The following COL25A1 variants were observed in gnomAD, a reference collection of about 807,000 sequenced individuals.
COL25A1 encodes the protein collagen type XXV alpha 1 chain, also known as collagen alpha-1(XXV) chain.
A neutral mutation model predicts 128.4 loss-of-function variants in COL25A1; 103 were observed. The ratio of observed to expected loss-of-function variants is 0.80; its 90% CI spans 0.68 to 0.94. COL25A1 has a LOEUF of 0.94. Ranked by LOEUF, COL25A1 falls within the 40% of genes least tolerant of loss-of-function variation. The pLI, the probability that COL25A1 is intolerant of heterozygous loss-of-function variation, is 0.00. For synonymous variants in COL25A1, 279 were observed against 277.2 expected (o/e 1.01, Z -0.06); for missense variants, 745 against 840.0 (o/e 0.89, Z 1.40).
intron 3 of COL25A1, among the ~76,000 whole-genome samples, chr4:109,167,850 A>G (rs1467540558): frequency 6.6e-6 from 1 of 152,176 alleles, no homozygotes; most frequent in Non-Finnish European, 1.5e-5. Context: ...AGAGTGACAC[A>G]AAAAACTCAT....
At chr4:109,174,291 A>T (rs1773862708) in intron 3 of COL25A1, among the ~76,000 whole-genome samples, 1 of 152,194 alleles carries the variant, frequency 6.6e-6, no homozygotes, top group Admixed American at 6.5e-5. Context: ...TGGTGAAATC[A>T]GGAGGGCCTC....
At chr4:109,165,714 C>G (rs1773008152) in intron 3 of COL25A1, among the ~76,000 whole-genome samples, 1 of 151,786 alleles carries the variant, frequency 6.6e-6, no homozygotes, top group African/African-American at 2.4e-5. Context: ...AATACTGTCT[C>G]AAAAAAGATA....
intron 3 of COL25A1, among the ~76,000 whole-genome samples, chr4:109,105,709 TA>T (rs1042757088): frequency 1.3e-5 from 2 of 152,158 alleles, no homozygotes; most frequent in African/African-American, 4.8e-5. Context: ...TTAAAGAGTG[TA>T]AAATGACCCT....
chr4:108,843,334 G>A (rs1190403616), intron 30 of COL25A1, among the ~76,000 whole-genome samples: 1 of 152,046 alleles, frequency 6.6e-6, no homozygotes. Context: ...CTTGTGCAAT[G>A]GGAGGAAAGA....
At chr4:108,865,094 GGTA>G (rs1737726802) in intron 20 of COL25A1, among the ~76,000 whole-genome samples, 1 of 152,138 alleles carries the variant, frequency 6.6e-6, no homozygotes, top group Non-Finnish European at 1.5e-5. Flanking sequence ...CCAGGAAGAT[GGTA>G]CCTTTTAATA....
chr4:108,868,795 GGAA>G (rs1455187378), intron 20 of COL25A1, among the ~76,000 whole-genome samples: 1 of 134,118 alleles, frequency 7.5e-6, no homozygotes, highest in Non-Finnish European at 1.6e-5. Flanking sequence ...AGGAAGGAAA[GGAA>G]GGAAGGAAAG....
intron 3 of COL25A1, among the ~76,000 whole-genome samples, chr4:109,168,376 G>A (rs2126127944): frequency 6.6e-6 from 1 of 152,186 alleles, no homozygotes; most frequent in Non-Finnish European, 1.5e-5. Flanking sequence ...ACAGAGTTGG[G>A]GTATTAGCTA....
intron 3 of COL25A1, among the ~76,000 whole-genome samples, chr4:109,296,328 A>G (rs1163560919): frequency 6.6e-6 from 1 of 152,100 alleles, no homozygotes; most frequent in African/African-American, 2.4e-5. Context: ...GAAAAGAAAA[A>G]TAAAATCTTT....
chr4:108,958,807 T>A (rs1750350940), intron 8 of COL25A1, among the ~76,000 whole-genome samples: 1 of 152,106 alleles, frequency 6.6e-6, no homozygotes, highest in Non-Finnish European at 1.5e-5. Context: ...GGAATCTTGA[T>A]GTAAAACTAC....
chr4:109,225,619 G>T (rs1280275582), intron 3 of COL25A1, among the ~76,000 whole-genome samples: 2 of 151,978 alleles, frequency 1.3e-5, no homozygotes, highest in Admixed American at 6.6e-5. Context: ...CCAAAGAAAA[G>T]AAATTATATC....
chr4:109,056,878 G>A (rs1378156873), intron 3 of COL25A1, among the ~76,000 whole-genome samples: 1 of 152,190 alleles, frequency 6.6e-6, no homozygotes, highest in East Asian at 1.9e-4. Flanking sequence ...CGAGGCTGAT[G>A]ACAGTGTAAG....
rs1051210156 is a variant in COL25A1, at chr4:108,815,250, T to A, written c.1963-1321A>T. On this transcript the variant is annotated intron_variant, in intron 37 of 37. Coordinates refer to ENST00000399132, the MANE Select transcript of COL25A1 (RefSeq NM_198721.4). ...TATACGACTGCCACAATTTGAATTT[T>A]AAGTCAAGCAAACATTTGCCACTGT... 7.2e-5 allele frequency among the ~76,000 whole-genome samples: 11 copies of A among 152,182 alleles called. 2 individuals carry two copies. The highest frequency in any genetic ancestry group is 5.2e-4 in the Admixed American group (8 of 15,272).
At chr4:109,260,223 C>CA (rs1482240288) in intron 3 of COL25A1, among the ~76,000 whole-genome samples, 2 of 152,094 alleles carry the variant, frequency 1.3e-5, no homozygotes, top group East Asian at 3.9e-4. Context: ...AGGTATTGGT[C>CA]AACAGCAAGC....
chr4:109,249,446 G>A (rs1311879449), intron 3 of COL25A1, among the ~76,000 whole-genome samples: 1 of 151,624 alleles, frequency 6.6e-6, no homozygotes, highest in African/African-American at 2.4e-5. Context: ...GGGTGGGTGG[G>A]GAGGGAATCG....
intron 3 of COL25A1, among the ~76,000 whole-genome samples, chr4:109,274,209 T>TAA (rs11396793): frequency 6.6e-6 from 1 of 151,898 alleles, no homozygotes; most frequent in Admixed American, 6.6e-5. Flanking sequence ...CATTTTCAAT[T>TAA]AAAAAAATGA....
chr4:109,075,883 C>A (rs1440337120), intron 3 of COL25A1, among the ~76,000 whole-genome samples: 1 of 152,134 alleles, frequency 6.6e-6, no homozygotes, highest in South Asian at 2.1e-4. Context: ...ACAATAAATA[C>A]AGTCAACCCT....
chr4:109,153,795 A>G (rs1771758353), intron 3 of COL25A1, among the ~76,000 whole-genome samples: 1 of 152,192 alleles, frequency 6.6e-6, no homozygotes, highest in Non-Finnish European at 1.5e-5. Context: ...TTTTTTATTA[A>G]GTGTCTTATT....
intron 3 of COL25A1, among the ~76,000 whole-genome samples, chr4:109,087,383 C>T (rs964924835): frequency 6.6e-6 from 1 of 152,110 alleles, no homozygotes; most frequent in African/African-American, 2.4e-5. Context: ...ACTGCACCAC[C>T]CACCCCGCCT....
chr4:109,116,112 T>C (rs1767528947), intron 3 of COL25A1, among the ~76,000 whole-genome samples: 1 of 151,910 alleles, frequency 6.6e-6, no homozygotes, highest in Non-Finnish European at 1.5e-5. Flanking sequence ...TGCTGGAGAT[T>C]CAGTAGGGAC....
Sources: gnomAD v4.1 joint callset for allele counts (sites outside exome capture counted in the v4.1 genomes callset) on GRCh38, gnomAD v4.1.1 for gene constraint, MANE v1.5 for transcripts, NCBI Gene and HGNC (gene_info 2026-07-23, HGNC 2026-07-21) for gene names.